The following KANSL1 variants were observed in gnomAD, a reference collection of about 807,000 sequenced individuals.
KANSL1 encodes KAT8 regulatory NSL complex subunit 1.
KANSL1 carries 22 observed loss-of-function variants against 103.6 expected under a neutral mutation model. The observed-to-expected ratio is 0.21, with a 90% CI of 0.15 to 0.30. The LOEUF is 0.30. KANSL1 is among the 10% of genes least tolerant of loss of function. The probability of loss-of-function intolerance (pLI) is 1.00; values close to 1 mark genes in which losing one functional copy is unlikely to be tolerated. For synonymous variants in KANSL1, 600 were observed against 527.6 expected, an observed-to-expected ratio of 1.14 and a Z score of -1.88; for missense variants, 1,337 against 1,399.8, an observed-to-expected ratio of 0.96 and a Z score of 0.72.
intron 5 of KANSL1, among the ~76,000 whole-genome samples, chr17:46,067,225 C>CTCCTCTG (rs1188478084): frequency 1.3e-5 from 2 of 152,082 alleles, no homozygotes; most frequent in Non-Finnish European, 2.9e-5. Flanking sequence ...CAAACATAGC[C>CTCCTCTG]CTTGGAGATC....
chr17:46,133,122 A>G (rs1377324031), intron 2 of KANSL1, among the ~76,000 whole-genome samples: 2 of 152,188 alleles, frequency 1.3e-5, no homozygotes, highest in African/African-American at 2.4e-5. Context: ...TAACAGAAGA[A>G]AAACTGAGGT....
chr17:46,056,170 G>A (rs932455626), intron 6 of KANSL1, among the ~76,000 whole-genome samples: 1 of 152,094 alleles, frequency 6.6e-6, no homozygotes, highest in Non-Finnish European at 1.5e-5. Flanking sequence ...GCTAATTTCT[G>A]TATTTTTAGT....
chr17:46,111,711 T>C (rs796605796), intron 2 of KANSL1, among the ~76,000 whole-genome samples: 4 of 152,290 alleles, frequency 2.6e-5, no homozygotes, highest in African/African-American at 7.2e-5. Context: ...AGAAAGAACA[T>C]TGTATTTAAT....
At chr17:46,093,423 G>A (rs992588080) in intron 3 of KANSL1, 24 of 152,260 alleles carry the variant, frequency 1.6e-4, no homozygotes, top group African/African-American at 5.8e-4. Flanking sequence ...ATAAAAAAGT[G>A]AGCCCTCTGG....
intron 6 of KANSL1, among the ~76,000 whole-genome samples, chr17:46,054,207 C>T (rs1568392726): frequency 6.6e-6 from 1 of 152,214 alleles, no homozygotes; most frequent in African/African-American, 2.4e-5. Flanking sequence ...CATGCACCAC[C>T]ACGCCCAGCT....
chr17:46,158,727 G>T (rs575305134), intron 2 of KANSL1, among the ~76,000 whole-genome samples: 1 of 152,208 alleles, frequency 6.6e-6, no homozygotes, highest in African/African-American at 2.4e-5. Context: ...TTTTAGTAGA[G>T]ACGAGGTTTC....
intron 2 of KANSL1, among the ~76,000 whole-genome samples, chr17:46,115,689 A>G (rs1274488419): frequency 1.3e-5 from 2 of 152,228 alleles, no homozygotes; most frequent in South Asian, 2.1e-4. Context: ...ACTCTACTCA[A>G]AAAGTATGCT....
intron 1 of KANSL1, among the ~76,000 whole-genome samples, chr17:46,181,065 G>A (rs2147829559): frequency 6.6e-6 from 1 of 152,278 alleles, no homozygotes; most frequent in Admixed American, 6.5e-5. Context: ...AGGATGCAAT[G>A]AGAACTTCAA....
intron 1 of KANSL1, among the ~76,000 whole-genome samples, chr17:46,180,366 C>T (rs530052084): frequency 7.0e-4 from 107 of 152,106 alleles, no homozygotes; most frequent in African/African-American, 2.6e-3. Context: ...GGTGTGGTGG[C>T]GGGCACCTGT....
chr17:46,117,413 G>A (rs536077111), intron 2 of KANSL1, among the ~76,000 whole-genome samples: 11 of 152,212 alleles, frequency 7.2e-5, no homozygotes, highest in Non-Finnish European at 1.6e-4. Context: ...GTAGGAATTC[G>A]TCTTTGTTTT....
At chr17:46,050,769 TA>T in intron 6 of KANSL1, 65 bp from the exon 7 acceptor site, 1 of 1,469,194 alleles carries the variant, frequency 6.8e-7, no homozygotes, top group South Asian at 1.2e-5. Flanking sequence ...ACCCATTTGT[TA>T]TCCCCATTTG....
chr17:46,155,881 T>C (rs552015834), intron 2 of KANSL1, among the ~76,000 whole-genome samples: 1 of 152,278 alleles, frequency 6.6e-6, no homozygotes, highest in South Asian at 2.1e-4. Context: ...TGTAGTAAGC[T>C]ATGATCACGC....
At chr17:46,181,431 C>A (rs2046785582) in intron 1 of KANSL1, among the ~76,000 whole-genome samples, 1 of 151,134 alleles carries the variant, frequency 6.6e-6, no homozygotes, top group African/African-American at 2.5e-5. Flanking sequence ...AAGTTCCTCA[C>A]ACTTTTTTTT....
At chr17:46,178,189 C>A (rs1415197157) in intron 1 of KANSL1, among the ~76,000 whole-genome samples, 1 of 152,060 alleles carries the variant, frequency 6.6e-6, no homozygotes, top group African/African-American at 2.4e-5. Flanking sequence ...CAGGGAAAGA[C>A]TGTCAAATTT....
intron 2 of KANSL1, among the ~76,000 whole-genome samples, chr17:46,120,479 T>C (rs750047948): frequency 2.0e-5 from 3 of 152,224 alleles, no homozygotes; most frequent in South Asian, 4.1e-4. Flanking sequence ...TGTGGATATA[T>C]GCTTGGTATG....
Position 46,039,512 on chromosome 17 carries a change from G to A in KANSL1, c.2203+190C>T, listed in dbSNP as rs2077250574. On this transcript the variant is annotated intron_variant, in intron 8 of 14. Coordinates refer to ENST00000432791, the MANE Select transcript of KANSL1 (RefSeq NM_015443.4). ...TGGGTCTTGCTCCAAGATCCATGGT[G>A]TCTAGAATAGCTCCCGAAGTCCATC... 4.5e-6 allele frequency: 3 copies of A among 668,946 alleles called. No individual in the cohort carries two copies. The South Asian group carries it at 6.1e-5, about 13-fold the overall frequency. 41.4% of individuals were successfully genotyped at this position (668,946 alleles called of 1,614,324 possible).
intron 2 of KANSL1, among the ~76,000 whole-genome samples, chr17:46,132,651 T>C (rs977049542): frequency 4.6e-5 from 7 of 152,182 alleles, no homozygotes; most frequent in African/African-American, 1.7e-4. Context: ...TAATTTTACG[T>C]ATAAAGAACA....
chr17:46,209,179 C>T (rs2148014310), intron 1 of KANSL1, among the ~76,000 whole-genome samples: 1 of 151,176 alleles, frequency 6.6e-6, no homozygotes, highest in African/African-American at 2.4e-5. Flanking sequence ...AGCAAAACTC[C>T]ATCTCAAAAA....
rs905349042 is a variant in KANSL1 at position 46,049,097 on chromosome 17, C to T, written c.2020+1436G>A. On this transcript the variant is annotated intron_variant, in intron 7 of 14. Transcript: ENST00000432791. ...CTTTTTGGAGAATTCTAAGAGAAGA[C>T]TTGGTTGATAGGAGTTCCTGAGTTA... 2.2e-4 allele frequency among the ~76,000 whole-genome samples: 32 copies of T among 143,482 alleles called. 1 individual carries two copies. The highest frequency in any genetic ancestry group is 8.1e-4 in the African/African-American group (30 of 37,264). The allele number at this position is 143,482 out of a possible 152,430, so 94.1% of individuals were successfully genotyped here.
Sources: allele counts gnomAD v4.1 joint callset (sites outside exome capture counted in the v4.1 genomes callset), GRCh38; gene constraint gnomAD v4.1.1; transcripts MANE v1.5; gene names NCBI Gene and HGNC (gene_info 2026-07-23, HGNC 2026-07-21).